The following MMUT variants were observed in gnomAD, a reference collection of about 807,000 sequenced individuals.
MMUT encodes the protein methylmalonyl-CoA mutase, mitochondrial.
In MMUT, 79 loss-of-function variants were observed where a neutral mutation model predicts 79.9. The ratio of observed to expected loss-of-function variants is 0.99; its 90% CI spans 0.82 to 1.19. The LOEUF is 1.19. MMUT is among the 50% of genes most tolerant of loss of function. The pLI, the probability that MMUT is intolerant of heterozygous loss-of-function variation, is 0.00. For synonymous variants in MMUT, 273 were observed against 295.7 expected, an observed-to-expected ratio of 0.92 and a Z score of 0.79; for missense variants, 860 against 917.2, an observed-to-expected ratio of 0.94 and a Z score of 0.81.
At chr6:49,450,131 T>C (rs1334384606) in intron 6 of MMUT, among the ~76,000 whole-genome samples, 1 of 150,924 alleles carries the variant, frequency 6.6e-6, no homozygotes, top group Non-Finnish European at 1.5e-5. Context: ...CTCGGGAGGC[T>C]GAGACAGGAG....
chr6:49,446,690 T>C (rs976729753), intron 8 of MMUT, among the ~76,000 whole-genome samples: 5 of 151,910 alleles, frequency 3.3e-5, no homozygotes, highest in African/African-American at 7.2e-5. Context: ...TCAATAAATG[T>C]TAACTATTAT....
intron 5 of MMUT, among the ~76,000 whole-genome samples, chr6:49,452,783 G>A (rs1472880971): frequency 6.6e-6 from 1 of 152,016 alleles, no homozygotes; most frequent in African/African-American, 2.4e-5. Context: ...AAGAGAACAT[G>A]TATAAAAACA....
chr6:49,456,567 G>A lies in MMUT; in HGVS notation c.754-330C>T, dbSNP rs145593795. Among the ~76,000 whole-genome samples, 36 of 152,070 alleles carry A rather than the reference G, an allele frequency of 2.4e-4. 1 individual carries two copies. ...ACCTTTGGCCTGAGAACTAAATGAA[G>A]CATTTTTAATTCCAAACCAATGACT... is the stretch of plus-strand genomic sequence containing the variant. On this transcript the variant is annotated intron_variant, in intron 3 of 12. Transcript: ENST00000274813.
intron 11 of MMUT, 103 bp downstream of exon 11, chr6:49,440,103 G>C: frequency 7.0e-7 from 1 of 1,420,270 alleles, no homozygotes; most frequent in South Asian, 1.2e-5. Flanking sequence ...CAGTTACCAG[G>C]AGATGTATTA....
Position 49,436,773 on chromosome 6 carries a change from G to A in MMUT, c.1957-1150C>T, listed in dbSNP as rs569391417. Among the ~76,000 whole-genome samples, 558 of 152,134 alleles carry A rather than the reference G, an allele frequency of 3.7e-3. 1 individual carries two copies. The highest frequency in any genetic ancestry group is 0.013 in the African/African-American group (537 of 41,508). On this transcript the variant is annotated intron_variant, in intron 11 of 12. Transcript: ENST00000274813. ...GCAGCCAGAAAAAAAGAATGAGATC[G>A]TGTCCTTTGCAGGAACATGGATGAA...
At chr6:49,460,897 G>C (rs1031482317) in intron 1 of MMUT, among the ~76,000 whole-genome samples, 6 of 152,188 alleles carry the variant, frequency 3.9e-5, no homozygotes, top group African/African-American at 1.4e-4. Context: ...ACTTTGGAAA[G>C]TAAATTGTCA....
chr6:49,441,866 A>C lies in MMUT; in HGVS notation c.1782T>G (p.Ser594Arg), dbSNP rs779657788. 26 of 1,611,754 alleles carry C rather than the reference A, an allele frequency of 1.6e-5. 1 individual carries two copies. The East Asian group carries it at 5.6e-4, about 35-fold the overall frequency. ...SGAYRQEFGESKEITSAIKRV... is the reference protein window; with the variant it reads ...SGAYRQEFGERKEITSAIKRV... ...TCTTGATAGCAGATGTTATCTCTTT[A>C]CTTTCTCCAAATTCCTGGCGATATG... Residue 594 changes from serine (S) to arginine (R), a missense_variant, in exon 10 of 13, where the codon AGT (serine) becomes AGG (arginine). Transcript: ENST00000274813.
intron 8 of MMUT, 91 bp downstream of exon 8, chr6:49,447,579 G>C: frequency 2.7e-6 from 2 of 736,860 alleles, no homozygotes; most frequent in Non-Finnish European, 4.7e-6. Flanking sequence ...CTGTTGTAAG[G>C]ATTAATTTAA....
At chr6:49,447,298 A>T (rs1767432734) in intron 8 of MMUT, among the ~76,000 whole-genome samples, 1 of 151,800 alleles carries the variant, frequency 6.6e-6, no homozygotes, top group Non-Finnish European at 1.5e-5. Flanking sequence ...ATAACTCTAA[A>T]CTTTATTCTG....
chr6:49,436,331 C>T (rs540482762), intron 11 of MMUT, among the ~76,000 whole-genome samples: 7 of 152,144 alleles, frequency 4.6e-5, no homozygotes, highest in South Asian at 2.1e-4. Context: ...TGCAGCTGGG[C>T]GTGGTGGTTC....
chr6:49,459,229 C>G lies in MMUT; in HGVS notation c.238G>C (p.Asp80His). ...ACTCCTGGAAGTTCTTCAGGTAAGT[C>G]CATAGTATCTCTCTTGGAATACAAG... ...KPLYSKRDTM[D>H]LPEELPGVKP... is the part of the protein sequence containing the mutation. Residue 80 changes from aspartate to histidine, a missense_variant, in exon 2 of 13, where the codon GAC becomes CAC. Physicochemically the swap from Asp to His is moderately conservative, Grantham distance 81. Coordinates refer to ENST00000274813, the MANE Select transcript of MMUT (RefSeq NM_000255.4). 6.2e-7 allele frequency: 1 copy of G among 1,614,146 alleles called. No homozygotes were observed. The highest frequency in any genetic ancestry group is 8.5e-7 in the Non-Finnish European group (1 of 1,180,036).
At chr6:49,462,537 A>G (rs1356407803) in intron 1 of MMUT, among the ~76,000 whole-genome samples, 6 of 152,160 alleles carry the variant, frequency 3.9e-5, no homozygotes, top group African/African-American at 1.2e-4. Context: ...CTTCCCTAAG[A>G]CCACCTTCTT....
At position 49,457,911 on chromosome 6, in the gene MMUT, G is replaced by A. The variant is rs1228322321; in HGVS notation, c.533C>T (p.Pro178Leu). 1 of 1,613,710 alleles carries A rather than the reference G, an allele frequency of 6.2e-7. No homozygotes were observed. Among genetic ancestry groups the A allele is most frequent in the East Asian group, 2.2e-5 (1 of 44,862 alleles). The change falls in exon 3 of 13, where the codon CCT becomes CTT. Residue 178 changes from proline to leucine, a missense_variant. Pro to Leu is a moderately conservative substitution (Grantham distance 98). Transcript: ENST00000274813. ...CATGGAAACTGACATTTTTTCTAAA[G>A]GAATTCCATCAAAAAGAATTTTGGT... ...EDTKILFDGIPLEKMSVSMTM... is the reference protein window; with the variant it reads ...EDTKILFDGILLEKMSVSMTM...
intron 1 of MMUT, among the ~76,000 whole-genome samples, chr6:49,461,986 G>C (rs1431419053): frequency 6.6e-6 from 1 of 152,106 alleles, no homozygotes; most frequent in Non-Finnish European, 1.5e-5. Context: ...CTGTTGGCAG[G>C]AAATATCACA....
Position 49,448,842 on chromosome 6 carries a change from G to C in MMUT, c.1418C>G (p.Ala473Gly). The change falls in exon 7 of 13, where the codon GCC becomes GGC. Residue 473 changes from alanine to glycine, a missense_variant. By Grantham distance (60) the Ala-to-Gly change is moderately conservative. Coordinates refer to ENST00000274813, the MANE Select transcript of MMUT (RefSeq NM_000255.4). The part of the protein sequence containing the change: ...IPKLRIEECA[A>G]RRQARIDSGS... ...AGAATCTATTCTAGCTTGTCTTCGG[G>C]CAGCACATTCTTCAATTCGAAGTTT... 1 of 1,613,184 alleles carries C rather than the reference G, an allele frequency of 6.2e-7. No homozygotes were observed. The highest frequency in any genetic ancestry group is 8.5e-7 in the Non-Finnish European group (1 of 1,179,426).
intron 1 of MMUT, among the ~76,000 whole-genome samples, chr6:49,460,663 C>T (rs1419698250): frequency 6.6e-6 from 1 of 152,128 alleles, no homozygotes; most frequent in East Asian, 1.9e-4. Flanking sequence ...ATATAGAGCC[C>T]ATTGTTTAAA....
chr6:49,451,625 A>T lies in MMUT; in HGVS notation c.1173T>A (p.Asp391Glu). The change falls in exon 6 of 13, where the codon GAT (aspartate) becomes GAA (glutamate). Residue 391 changes from aspartate (D) to glutamate (E), a missense_variant. Physicochemically the swap from Asp to Glu is conservative, Grantham distance 45. Coordinates refer to ENST00000274813, the MANE Select transcript of MMUT (RefSeq NM_000255.4). Reference protein sequence around the residue: ...GTQSLHTNSFDEALGLPTVKS... With the variant: ...GTQSLHTNSFEEALGLPTVKS... ...TCACAGTTGGCAAACCCAAAGCTTC[A>T]TCAAAAGAATTTGTGTGCAAAGACT... The T allele has an allele frequency of 1.2e-6, 2 of 1,614,168 alleles. No homozygotes were observed. The highest frequency in any genetic ancestry group is 1.7e-6 in the Non-Finnish European group (2 of 1,180,012).
In MMUT at chr6:49,459,239, T is replaced by A; in HGVS notation, c.228A>T (p.Arg76Ser). 5 of 1,614,154 alleles carry A rather than the reference T, an allele frequency of 3.1e-6. No homozygotes were observed. Among genetic ancestry groups the A allele is most frequent in the Non-Finnish European group, 4.2e-6 (5 of 1,180,030 alleles). ...GISIKPLYSK[R>S]DTMDLPEELP... ...GTTCTTCAGGTAAGTCCATAGTATC[T>A]CTCTTGGAATACAAGGGTTTTATAG... Residue 76 changes from arginine to serine, a missense_variant, in exon 2 of 13, where the codon AGA becomes AGT. By Grantham distance (110) the Arg-to-Ser change is moderately radical (BLOSUM62 -1). Transcript: ENST00000274813.
In MMUT at chr6:49,457,682, A is replaced by G. The variant is rs2127419865; in HGVS notation, c.753+9T>C. ...CTATAGAAAAACCTATAATAACCAC[A>G]AAGTATACCTTTGCTGTATATTCAA... On this transcript the variant is annotated intron_variant, in intron 3 of 12. Coordinates refer to ENST00000274813, the MANE Select transcript of MMUT (RefSeq NM_000255.4). 1 of 1,605,194 alleles carries G rather than the reference A, an allele frequency of 6.2e-7. No individual in the cohort carries two copies. Among genetic ancestry groups the G allele is most frequent in the East Asian group, 2.2e-5 (1 of 44,814 alleles).
Sources: gnomAD v4.1 joint callset for allele counts (sites outside exome capture counted in the v4.1 genomes callset) on GRCh38, gnomAD v4.1.1 for gene constraint, MANE v1.5 for transcripts, NCBI Gene and HGNC (gene_info 2026-07-23, HGNC 2026-07-21) for gene names.